Variants in TACR1 observed in about 807,000 individuals in gnomAD.
TACR1 encodes substance-P receptor.
TACR1 carries 25 observed loss-of-function variants against 35.8 expected under a neutral mutation model. The observed-to-expected ratio is 0.70, with a 90% CI of 0.51 to 0.98. The LOEUF is 0.98. Among genes scored for constraint, TACR1 ranks in the 50% least tolerant of loss-of-function variants. The pLI is 0.00. For synonymous variants in TACR1, 195 were observed against 206.7 expected (o/e 0.94, Z 0.48); for missense variants, 478 against 522.9 (o/e 0.91, Z 0.84).
At chr2:75,177,137 A>T (rs1233338036) in intron 1 of TACR1, among the ~76,000 whole-genome samples, 3 of 145,056 alleles carry the variant, frequency 2.1e-5, no homozygotes, top group Admixed American at 2.1e-4. Flanking sequence ...CCAGAATTTT[A>T]CTCTGTCTTT....
At chr2:75,099,621 C>T (rs1023192184) in intron 2 of TACR1, among the ~76,000 whole-genome samples, 1 of 152,194 alleles carries the variant, frequency 6.6e-6, no homozygotes, top group Non-Finnish European at 1.5e-5. Flanking sequence ...AGGCTGAACC[C>T]AGGGAGAGGT....
chr2:75,116,657 C>T (rs1463153133), intron 2 of TACR1, among the ~76,000 whole-genome samples: 1 of 152,026 alleles, frequency 6.6e-6, no homozygotes, highest in Non-Finnish European at 1.5e-5. Flanking sequence ...GCCTGCAATC[C>T]CAGCACTTTG....
At chr2:75,186,946 AC>A (rs1197192199) in intron 1 of TACR1, 2 of 152,258 alleles carry the variant, frequency 1.3e-5, no homozygotes, top group African/African-American at 4.8e-5. Context: ...AAAGATGCAG[AC>A]AAAGAAAAAA....
chr2:75,183,643 C>CT (rs1422268949), intron 1 of TACR1, among the ~76,000 whole-genome samples: 2 of 152,172 alleles, frequency 1.3e-5, no homozygotes, highest in Non-Finnish European at 2.9e-5. Flanking sequence ...GCAGTAGTCC[C>CT]TCCCCTGCTC....
chr2:75,073,469 G>C (rs906512747), intron 2 of TACR1, among the ~76,000 whole-genome samples: 1 of 152,226 alleles, frequency 6.6e-6, no homozygotes, highest in Non-Finnish European at 1.5e-5. Context: ...CATGAGGTTG[G>C]AATTGGCTGG....
chr2:75,090,837 G>A (rs1009596672), intron 2 of TACR1: 2 of 153,834 alleles, frequency 1.3e-5, no homozygotes, highest in Non-Finnish European at 2.9e-5. Context: ...TGTGGTCCCA[G>A]TTCAGAAGTG....
chr2:75,115,774 G>A (rs1355047644), intron 2 of TACR1, among the ~76,000 whole-genome samples: 1 of 151,950 alleles, frequency 6.6e-6, no homozygotes, highest in Non-Finnish European at 1.5e-5. Context: ...GGGCATGGTG[G>A]CGGGTGCCTG....
Position 75,158,830 on chromosome 2 carries a change from C to T in TACR1, c.390-38062G>A, listed in dbSNP as rs115023382. Among the ~76,000 whole-genome samples, 809 of 152,212 alleles carry T rather than the reference C, an allele frequency of 5.3e-3. 5 individuals carry two copies. The highest frequency in any genetic ancestry group is 0.017 in the Middle Eastern group (5 of 292). The stretch of plus-strand genomic sequence containing the variant: ...TTTAGCTGGAGTTGGGCCTCTGTTC[C>T]GAACTCAAACGGTCCCATGTCCCAG... On this transcript the variant is annotated intron_variant, in intron 1 of 4. Transcript: ENST00000305249.
chr2:75,137,984 C>T (rs566129716), intron 1 of TACR1, among the ~76,000 whole-genome samples: 14 of 152,254 alleles, frequency 9.2e-5, no homozygotes, highest in Middle Eastern at 3.4e-3. Flanking sequence ...CTTTTTACAT[C>T]CAAGACAGCT....
At chr2:75,172,791 C>T (rs2104021629) in intron 1 of TACR1, among the ~76,000 whole-genome samples, 1 of 152,188 alleles carries the variant, frequency 6.6e-6, no homozygotes, top group East Asian at 1.9e-4. Context: ...AGTCCAAGGT[C>T]CAGAAATTGG....
At chr2:75,170,105 G>A (rs758621811) in intron 1 of TACR1, among the ~76,000 whole-genome samples, 11 of 152,076 alleles carry the variant, frequency 7.2e-5, no homozygotes, top group Non-Finnish European at 1.6e-4. Context: ...GCAGTGATAC[G>A]GTTTGGTTGT....
intron 2 of TACR1, among the ~76,000 whole-genome samples, chr2:75,093,699 C>T (rs940316821): frequency 2.6e-5 from 4 of 152,050 alleles, no homozygotes; most frequent in South Asian, 4.2e-4. Context: ...AGCAACCAAC[C>T]ATATAGGCTG....
At chr2:75,150,350 C>T (rs1384261592) in intron 1 of TACR1, among the ~76,000 whole-genome samples, 5 of 152,174 alleles carry the variant, frequency 3.3e-5, no homozygotes, top group Non-Finnish European at 5.9e-5. Flanking sequence ...CAAATCTCAA[C>T]TTGAATTGTA....
At chr2:75,154,526 A>ACACACACTCTCT (rs1379600710) in intron 1 of TACR1, 6 of 117,216 alleles carry the variant, frequency 5.1e-5, no homozygotes, top group African/African-American at 2.7e-4. Context: ...ACACACACAC[A>ACACACACTCTCT]CTCTCTGAAG....
intron 1 of TACR1, among the ~76,000 whole-genome samples, chr2:75,160,985 T>A (rs1322249878): frequency 1.3e-5 from 2 of 151,820 alleles, no homozygotes. Flanking sequence ...TCTATTATAA[T>A]GCCAGAAAAT....
chr2:75,091,561 A>G (rs1479650110), intron 2 of TACR1, among the ~76,000 whole-genome samples: 2 of 152,126 alleles, frequency 1.3e-5, no homozygotes, highest in East Asian at 3.9e-4. Context: ...ATAAAACCCA[A>G]CTTGCTTAAG....
Position 75,049,514 on chromosome 2 carries a change from T to C in TACR1, c.1142A>G (p.Asp381Gly). The C allele has an allele frequency of 6.2e-7, 1 of 1,614,140 alleles. No individual in the cohort carries two copies. Among genetic ancestry groups the C allele is most frequent in the East Asian group, 2.2e-5 (1 of 44,876 alleles). ...TCGTGAAGAGCAGTTGGAGGTCAGG[T>C]CCAGGGACGAGGGTGTGGCCTTGGG... ...DGPKATPSSL[D>G]LTSNCSSRSD... Residue 381 changes from aspartate (D) to glycine (G), a missense_variant, in exon 5 of 5, where the codon GAC (aspartate) becomes GGC (glycine). By Grantham distance (94) the Asp-to-Gly change is moderately conservative (BLOSUM62 -1). Coordinates refer to ENST00000305249, the MANE Select transcript of TACR1 (RefSeq NM_001058.4).
chr2:75,065,093 G>C (rs1199495097), intron 2 of TACR1, among the ~76,000 whole-genome samples: 5 of 152,228 alleles, frequency 3.3e-5, no homozygotes, highest in Non-Finnish European at 5.9e-5. Flanking sequence ...TCCGGCCCCA[G>C]ATACGGAAAT....
chr2:75,198,772 A>T lies in TACR1; in HGVS notation c.163T>A (p.Trp55Arg). The change falls in exon 1 of 5, where the codon TGG becomes AGG. Residue 55 changes from tryptophan to arginine, a missense_variant. Coordinates refer to ENST00000305249, the MANE Select transcript of TACR1 (RefSeq NM_001058.4). Reference protein sequence around the residue: ...TSVVGNVVVMWIILAHKRMRT... With the variant: ...TSVVGNVVVMRIILAHKRMRT... Reference sequence around the variant, plus strand: ...ATTCTTTTGTGGGCTAAGATGATCCACATCACTACCACGTTGCCCACCACA... The same window carrying T: ...ATTCTTTTGTGGGCTAAGATGATCCTCATCACTACCACGTTGCCCACCACA... 6.2e-7 allele frequency: 1 copy of T among 1,614,200 alleles called. No individual in the cohort carries two copies. Among genetic ancestry groups the T allele is most frequent in the Non-Finnish European group, 8.5e-7 (1 of 1,180,034 alleles).
Sources: gnomAD v4.1 joint callset for allele counts (sites outside exome capture counted in the v4.1 genomes callset) on GRCh38, gnomAD v4.1.1 for gene constraint, MANE v1.5 for transcripts, NCBI Gene and HGNC (gene_info 2026-07-23, HGNC 2026-07-21) for gene names.